Variants in LRRC3B observed in about 807,000 individuals in gnomAD.
LRRC3B encodes leucine-rich repeat-containing protein 3B.
Under a neutral mutation model 12.8 loss-of-function variants are expected in LRRC3B, and 2 were observed. That is an observed-to-expected ratio of 0.16 (90% CI 0.06 to 0.49). The LOEUF (loss-of-function observed/expected upper bound fraction) is 0.49, where lower values mean the gene tolerates loss of function less well. Ranked by LOEUF, LRRC3B falls within the 20% of genes least tolerant of loss-of-function variation. The probability of loss-of-function intolerance (pLI) is 0.96; values close to 1 mark genes in which losing one functional copy is unlikely to be tolerated. For synonymous variants in LRRC3B, 132 were observed against 122.0 expected (o/e 1.08, Z -0.54); for missense variants, 189 against 319.4 (o/e 0.59, Z 3.11).
chr3:26,684,938 CTTTA>C (rs1700043143), intron 1 of LRRC3B, among the ~76,000 whole-genome samples: 1 of 150,198 alleles, frequency 6.7e-6, no homozygotes, highest in Admixed American at 6.6e-5. Flanking sequence ...ACACAGGTTT[CTTTA>C]TTTTATTTTA....
exon 2 of LRRC3B, chr3:26,709,872 T>A (rs1559376847): frequency 6.2e-7 from 1 of 1,613,938 alleles, no homozygotes; most frequent in Non-Finnish European, 8.5e-7. Flanking sequence ...CCTGAAACAG[T>A]CTTACTGTAT....
intron 1 of LRRC3B, among the ~76,000 whole-genome samples, chr3:26,660,170 G>C (rs149589619): frequency 1.3e-5 from 2 of 152,274 alleles, no homozygotes; most frequent in East Asian, 3.9e-4. Context: ...TTGTGATTAG[G>C]AAGGATTGTA....
At chr3:26,647,319 C>CCT (rs1398143345) in intron 1 of LRRC3B, among the ~76,000 whole-genome samples, 1 of 151,982 alleles carries the variant, frequency 6.6e-6, no homozygotes, top group East Asian at 1.9e-4. Context: ...ATATTGTCAG[C>CCT]CTCTCTCTCT....
intron 1 of LRRC3B, among the ~76,000 whole-genome samples, chr3:26,653,097 CAAAA>C (rs58039696): frequency 2.3e-4 from 27 of 117,066 alleles, no homozygotes; most frequent in Admixed American, 3.5e-4. Context: ...CTTGTGGGAT[CAAAA>C]AAAAAAAAAA....
At chr3:26,680,244 C>A (rs1281248547) in intron 1 of LRRC3B, among the ~76,000 whole-genome samples, 1 of 152,180 alleles carries the variant, frequency 6.6e-6, no homozygotes. Context: ...TCTCCACCCC[C>A]ACTTCCCAGT....
Position 26,671,373 on chromosome 3 carries a change from T to TAGAGAGAGAGAG in LRRC3B, c.-160-38110_-160-38099dup, listed in dbSNP as rs1195473054. Among the ~76,000 whole-genome samples the TAGAGAGAGAGAG allele has an allele frequency of 5.2e-3, 147 of 28,248 alleles. 7 individuals carry two copies. The highest frequency in any genetic ancestry group is 0.018 in the Admixed American group (26 of 1,456). The allele number at this position is 28,248 out of a possible 152,430, so 18.5% of individuals were successfully genotyped here. On this transcript the variant is annotated intron_variant, in intron 1 of 1. Transcript: ENST00000396641. ...GTGTATATATATATATATATATATATAGAGAGAGAGAGAGAGAGAGAGAGA... is the reference window on the plus strand; with the variant it reads ...GTGTATATATATATATATATATATATAGAGAGAGAGAGAGAGAGAGAGAGAGAGAGAGAGAGA...
At chr3:26,649,798 G>A (rs189693744) in intron 1 of LRRC3B, among the ~76,000 whole-genome samples, 5 of 152,208 alleles carry the variant, frequency 3.3e-5, no homozygotes, top group East Asian at 3.9e-4. Flanking sequence ...CTATGGGCCC[G>A]TTCTTCTCCT....
chr3:26,630,988 C>G (rs1698745442), intron 1 of LRRC3B, among the ~76,000 whole-genome samples: 1 of 152,164 alleles, frequency 6.6e-6, no homozygotes, highest in Non-Finnish European at 1.5e-5. Flanking sequence ...GGATCTTCCT[C>G]CCCAGACCAG....
At chr3:26,678,658 T>G (rs890515785) in intron 1 of LRRC3B, among the ~76,000 whole-genome samples, 4 of 152,128 alleles carry the variant, frequency 2.6e-5, no homozygotes, top group African/African-American at 9.7e-5. Context: ...AAGCTTACTC[T>G]GAAAGAAGGA....
In LRRC3B at chr3:26,630,706, C is replaced by G. The variant is rs186362410; in HGVS notation, c.-161+7469C>G. Reference sequence around the variant, plus strand: ...CATTTAAGCTTCACAAACAAAGTTGCGACTTTTTTTTCCATGCAAGTTCAT... The same window carrying G: ...CATTTAAGCTTCACAAACAAAGTTGGGACTTTTTTTTCCATGCAAGTTCAT... On this transcript the variant is annotated intron_variant, in intron 1 of 1. Transcript: ENST00000396641. Among the ~76,000 whole-genome samples the G allele has an allele frequency of 3.3e-3, 508 of 152,046 alleles. 4 individuals are homozygous for G. Among genetic ancestry groups the G allele is most frequent in the African/African-American group, 0.012 (488 of 41,386 alleles).
At chr3:26,684,340 G>C (rs917773305) in intron 1 of LRRC3B, among the ~76,000 whole-genome samples, 4 of 152,178 alleles carry the variant, frequency 2.6e-5, no homozygotes, top group Non-Finnish European at 5.9e-5. Flanking sequence ...TGGGCAAGTT[G>C]GTTGGAAAAT....
intron 1 of LRRC3B, among the ~76,000 whole-genome samples, chr3:26,688,475 A>G (rs972146403): frequency 6.6e-6 from 1 of 152,206 alleles, no homozygotes; most frequent in Admixed American, 6.5e-5. Flanking sequence ...TAATTTGCTC[A>G]TGGTTCTTTA....
intron 1 of LRRC3B, among the ~76,000 whole-genome samples, chr3:26,671,373 TAGAGAGAGAGAGAGAGAGAGAGAG>T (rs1195473054): frequency 1.1e-4 from 3 of 28,248 alleles, no homozygotes; most frequent in Non-Finnish European, 1.8e-4. Flanking sequence ...TATATATATA[TAGAGAGAGAGAGAGAGAGAGAGAG>T]AGAGAGAGAG....
At chr3:26,627,078 G>A (rs1698643735) in intron 1 of LRRC3B, among the ~76,000 whole-genome samples, 1 of 152,212 alleles carries the variant, frequency 6.6e-6, no homozygotes, top group Non-Finnish European at 1.5e-5. Flanking sequence ...AGGAAAAATA[G>A]TTCTTTGTCA....
intron 1 of LRRC3B, among the ~76,000 whole-genome samples, chr3:26,695,041 CGTGTGT>C (rs57701247): frequency 2.0e-5 from 3 of 150,708 alleles, no homozygotes; most frequent in Non-Finnish European, 4.4e-5. Context: ...AAAGCTTTTG[CGTGTGT>C]GTGTGTGTGT....
intron 1 of LRRC3B, among the ~76,000 whole-genome samples, chr3:26,694,183 T>A (rs1292508937): frequency 6.6e-6 from 1 of 152,192 alleles, no homozygotes; most frequent in East Asian, 1.9e-4. Flanking sequence ...GTAGTAGAGG[T>A]AGTATTAAAT....
At chr3:26,707,398 G>C (rs890190805) in intron 1 of LRRC3B, among the ~76,000 whole-genome samples, 3 of 151,812 alleles carry the variant, frequency 2.0e-5, no homozygotes, top group Admixed American at 1.3e-4. Context: ...AATAAATAAA[G>C]CTGATATACA....
intron 1 of LRRC3B, among the ~76,000 whole-genome samples, chr3:26,634,634 C>A (rs559609014): frequency 1.3e-5 from 2 of 152,324 alleles, no homozygotes; most frequent in South Asian, 4.1e-4. Flanking sequence ...GAAAAAGAAT[C>A]TGCTGCACTA....
chr3:26,639,292 A>G (rs1698969435), intron 1 of LRRC3B, among the ~76,000 whole-genome samples: 2 of 152,180 alleles, frequency 1.3e-5, no homozygotes, highest in African/African-American at 4.8e-5. Flanking sequence ...AATTTTACAG[A>G]CTAAGTCTTT....
Sources: allele counts gnomAD v4.1 joint callset (sites outside exome capture counted in the v4.1 genomes callset), GRCh38; gene constraint gnomAD v4.1.1; transcripts MANE v1.5; gene names NCBI Gene and HGNC (gene_info 2026-07-23, HGNC 2026-07-21).